Variants in RSPH4A observed in about 807,000 individuals in gnomAD.
RSPH4A encodes radial spoke head component 4A, also known as radial spoke head protein 4 homolog A.
A neutral mutation model predicts 71.0 loss-of-function variants in RSPH4A; 47 were observed. The observed-to-expected ratio is 0.66, with a 90% CI of 0.52 to 0.84. RSPH4A has a LOEUF of 0.84. RSPH4A is among the 40% of genes least tolerant of loss of function. RSPH4A has a pLI of 0.00. For missense variants in RSPH4A, 793 were observed against 855.2 expected (o/e 0.93, Z 0.91); for synonymous variants, 282 against 302.3 (o/e 0.93, Z 0.70).
chr6:116,623,033 A>G (rs1775636403), intron 2 of RSPH4A, 31 bp downstream of exon 2: 5 of 1,295,300 alleles, frequency 3.9e-6, no homozygotes, highest in Non-Finnish European at 3.4e-6. Context: ...TTAATAATAA[A>G]CCTTAGGATT....
chr6:116,630,665 GTGTTTT>G, intron 5 of RSPH4A, 113 bp downstream of exon 5: 1 of 319,410 alleles, frequency 3.1e-6, no homozygotes, highest in Non-Finnish European at 5.4e-6. Flanking sequence ...TTTTTTTTTC[GTGTTTT>G]TTTTTTTTTT....
chr6:116,629,709 T>G lies in RSPH4A; in HGVS notation c.1798+7T>G, dbSNP rs758544272. The G allele has an allele frequency of 3.1e-6, 5 of 1,605,414 alleles. No homozygotes were observed. The highest frequency in any genetic ancestry group is 4.3e-6 in the Non-Finnish European group (5 of 1,172,522). On this transcript the variant is annotated splice_region_variant and intron_variant, in intron 4 of 5. Coordinates refer to ENST00000229554, the MANE Select transcript of RSPH4A (RefSeq NM_001010892.3). ...CCAATCTCTGAAGATTTAGGTTATT[T>G]TACGTAACTATTATCACACACAGAC... is the stretch of plus-strand genomic sequence containing the variant.
intron 1 of RSPH4A, among the ~76,000 whole-genome samples, chr6:116,619,819 C>T (rs931753750): frequency 7.9e-5 from 12 of 152,084 alleles, no homozygotes; most frequent in Non-Finnish European, 1.5e-4. Context: ...CCCAGGTTCA[C>T]GCCATTCTCT....
intron 2 of RSPH4A, among the ~76,000 whole-genome samples, chr6:116,625,486 A>C (rs1173887282): frequency 6.6e-6 from 1 of 152,216 alleles, no homozygotes; most frequent in Admixed American, 6.5e-5. Flanking sequence ...GAAGTTTTTA[A>C]ATAGAGAATA....
Position 116,617,186 on chromosome 6 carries a change from G to T in RSPH4A, c.563G>T (p.Ser188Ile). ...FDVFQEEDSN[S>I]DYDLQQPAPG... ...GTTTTTCAGGAGGAAGACTCAAACA[G>T]TGACTATGATTTACAGCAGCCGGCG... The change falls in exon 1 of 6, where the codon AGT becomes ATT. Residue 188 changes from serine (S) to isoleucine (I), a missense_variant. Coordinates refer to ENST00000229554, the MANE Select transcript of RSPH4A (RefSeq NM_001010892.3). 6.2e-7 allele frequency: 1 copy of T among 1,614,202 alleles called. No individual in the cohort carries two copies. The highest frequency in any genetic ancestry group is 8.5e-7 in the Non-Finnish European group (1 of 1,180,030).
chr6:116,616,681 A>T lies in RSPH4A; in HGVS notation c.58A>T (p.Thr20Ser), dbSNP rs1775507588. The T allele has an allele frequency of 1.9e-6, 3 of 1,614,210 alleles. No individual in the cohort carries two copies. Among genetic ancestry groups the T allele is most frequent in the African/African-American group, 2.7e-5 (2 of 75,058 alleles). Residue 20 changes from threonine to serine, a missense_variant, in exon 1 of 6, where the codon ACA becomes TCA. By Grantham distance (58) the Thr-to-Ser change is moderately conservative. Transcript: ENST00000229554. ...EKENQEELGE[T>S]RRPWEGKTAA... ...AGAAAACCAAGAAGAACTAGGGGAA[A>T]CAAGGCGGCCATGGGAAGGAAAGAC...
At chr6:116,631,060 G>A (rs1312046436) in intron 5 of RSPH4A, among the ~76,000 whole-genome samples, 2 of 151,956 alleles carry the variant, frequency 1.3e-5, no homozygotes, top group Non-Finnish European at 1.5e-5. Context: ...AATAACATCT[G>A]TGATACACAA....
At position 116,632,266 on chromosome 6, in the gene RSPH4A, C is replaced by A. The variant is rs372634959; in HGVS notation, c.1976C>A (p.Pro659His). Residue 659 changes from proline to histidine, a missense_variant, in exon 6 of 6, where the codon CCC becomes CAC. By Grantham distance (77) the Pro-to-His change is moderately conservative (BLOSUM62 -2). Transcript: ENST00000229554. ...GHKYSPDNYTPPVPPPVYQEY... is the reference protein window; with the variant it reads ...GHKYSPDNYTHPVPPPVYQEY... ...AAGTATAGTCCAGACAATTATACAC[C>A]CCCAGTTCCACCACCAGTTTATCAA... The A allele has an allele frequency of 2.7e-5, 43 of 1,612,174 alleles. No individual in the cohort carries two copies. The highest frequency in any genetic ancestry group is 3.6e-5 in the Non-Finnish European group (42 of 1,179,752).
chr6:116,625,582 G>A (rs1377673690), intron 2 of RSPH4A, among the ~76,000 whole-genome samples: 1 of 152,302 alleles, frequency 6.6e-6, no homozygotes, highest in East Asian at 1.9e-4. Flanking sequence ...GGGGCCAGAG[G>A]AGAACGTTAG....
intron 3 of RSPH4A, 46 bp downstream of exon 3, chr6:116,628,415 T>G: frequency 7.0e-7 from 1 of 1,423,262 alleles, no homozygotes; most frequent in Non-Finnish European, 9.9e-7. Context: ...TAGGCAAATA[T>G]TCATTAAATG....
rs1285123787 is a variant in RSPH4A at position 116,630,845 on chromosome 6, G to GTTTTTTTTTTTTT, written c.1916+294_1916+295insTTTTTTTTTTTTT. 3.8e-4 allele frequency among the ~76,000 whole-genome samples: 26 copies of GTTTTTTTTTTTTT among 67,654 alleles called. 4 individuals carry two copies. Among genetic ancestry groups the GTTTTTTTTTTTTT allele is most frequent in the Non-Finnish European group, 5.3e-4 (20 of 37,562 alleles). The allele number at this position is 67,654 out of a possible 152,430, so 44.4% of individuals were successfully genotyped here. ...GCACCACTATGCCCAGCTAATTTTT[G>GTTTTTTTTTTTTT]TATTTTTTTTTTTTTTTTTTTTTTT... On this transcript the variant is annotated intron_variant, in intron 5 of 5. Coordinates refer to ENST00000229554, the MANE Select transcript of RSPH4A (RefSeq NM_001010892.3).
At chr6:116,618,163 C>G (rs1775542150) in intron 1 of RSPH4A, among the ~76,000 whole-genome samples, 1 of 152,240 alleles carries the variant, frequency 6.6e-6, no homozygotes, top group Non-Finnish European at 1.5e-5. Context: ...TCACTAAGCT[C>G]TAGCCCCATG....
Position 116,617,040 on chromosome 6 carries a change from T to A in RSPH4A, c.417T>A (p.Pro139=). 1.9e-6 allele frequency: 3 copies of A among 1,614,134 alleles called. No individual in the cohort carries two copies. Among genetic ancestry groups the A allele is most frequent in the Non-Finnish European group, 2.5e-6 (3 of 1,180,034 alleles). The change falls in exon 1 of 6, where the codon CCT becomes CCA. Residue 139 remains proline, a synonymous_variant. Coordinates refer to ENST00000229554, the MANE Select transcript of RSPH4A (RefSeq NM_001010892.3). ...CATCTGATAAAAGAGAATCAACTCC[T>A]CATCACACAAGCCAGTCAGAAGGAA... ...EQSSDKREST[P]HHTSQSEGNT...
Position 116,629,560 on chromosome 6 carries a change from T to C in RSPH4A, c.1663-7T>C, listed in dbSNP as rs1273751079. ...AGACTACTAAATCTTGCAACATTCA[T>C]TCCCAGGGTCGCTGTAATTGGTTCA... On this transcript the variant is annotated splice_region_variant and splice_polypyrimidine_tract_variant and intron_variant, in intron 3 of 5. Transcript: ENST00000229554. The C allele has an allele frequency of 2.5e-6, 4 of 1,612,666 alleles. No individual in the cohort carries two copies. Among genetic ancestry groups the C allele is most frequent in the East Asian group, 2.2e-5 (1 of 44,842 alleles).
At position 116,622,883 on chromosome 6, in the gene RSPH4A, T is replaced by A. The variant is rs1448778723; in HGVS notation, c.802T>A (p.Phe268Ile). 1 of 1,613,196 alleles carries A rather than the reference T, an allele frequency of 6.2e-7. No homozygotes were observed. Among genetic ancestry groups the A allele is most frequent in the African/African-American group, 1.3e-5 (1 of 74,886 alleles). The change falls in exon 2 of 6, where the codon TTT (phenylalanine) becomes ATT (isoleucine). Residue 268 changes from phenylalanine to isoleucine, a missense_variant. Physicochemically the swap from Phe to Ile is conservative, Grantham distance 21 (BLOSUM62 0). Transcript: ENST00000229554. ...DVKMAHFSKK[F>I]DALQNENELL... ...GAAGATGGCACATTTTAGTAAAAAA[T>A]TTGATGCACTACAAAATGAGAATGA...
Position 116,630,535 on chromosome 6 carries a change from T to C in RSPH4A, c.1899T>C (p.Tyr633=). Residue 633 remains tyrosine, a synonymous_variant, in exon 5 of 6, where the codon TAT becomes TAC. Coordinates refer to ENST00000229554, the MANE Select transcript of RSPH4A (RefSeq NM_001010892.3). ...VLQSNLWPGA[Y]AFSNGKKFEN... ...AATCCAACCTTTGGCCTGGAGCATA[T>C]GCCTTCTCCAATGGCAAGTAAGTAT... 1 of 1,564,122 alleles carries C rather than the reference T, an allele frequency of 6.4e-7. No individual in the cohort carries two copies. Among genetic ancestry groups the C allele is most frequent in the Non-Finnish European group, 8.8e-7 (1 of 1,134,668 alleles).
intron 1 of RSPH4A, among the ~76,000 whole-genome samples, chr6:116,622,277 G>A (rs746562929): frequency 2.6e-5 from 4 of 152,130 alleles, no homozygotes; most frequent in African/African-American, 7.2e-5. Context: ...GATTTGGTGA[G>A]CGGAGGGGAA....
intron 1 of RSPH4A, among the ~76,000 whole-genome samples, chr6:116,620,668 T>C (rs983792508): frequency 1.3e-5 from 2 of 152,208 alleles, no homozygotes; most frequent in African/African-American, 4.8e-5. Flanking sequence ...CATTTTCAGG[T>C]GTGGACTTGA....
rs780292620 is a variant in RSPH4A, at chr6:116,629,675, CTT to C, written c.1774_1775del (p.Leu592AspfsTer5). 7.4e-6 allele frequency: 12 copies of C among 1,612,218 alleles called. No individual in the cohort carries two copies. In the East Asian group the frequency reaches 2.2e-4, roughly 30 times the overall value. The stretch of plus-strand genomic sequence containing the variant: ...CATAGAACAGGAAGTGGGGCTTCCT[CTT>C]TTGACACCAATCTCTGAAGATTTAG... ...DYIEQEVGLP[L>X]LTPISEDLEI... On this transcript the variant is annotated frameshift_variant, in exon 4 of 6. Transcript: ENST00000229554. LOFTEE classifies it high-confidence loss of function.
Sources: allele counts gnomAD v4.1 joint callset (sites outside exome capture counted in the v4.1 genomes callset), GRCh38; gene constraint gnomAD v4.1.1; transcripts MANE v1.5; gene names NCBI Gene and HGNC (gene_info 2026-07-23, HGNC 2026-07-21).